Variants in MYADM observed in about 807,000 individuals in gnomAD.
MYADM encodes the protein myeloid-associated differentiation marker.
For missense variants in MYADM, 416 were observed against 443.4 expected, an observed-to-expected ratio of 0.94 and a Z score of 0.56; for synonymous variants, 224 against 210.2, an observed-to-expected ratio of 1.07 and a Z score of -0.57.
chr19:53,867,805 C>G (rs1599906525), upstream of MYADM: 2 of 152,964 alleles, frequency 1.3e-5, no homozygotes, highest in East Asian at 3.9e-4. Flanking sequence ...CCGCCCTAGC[C>G]GGAGCTGCGC....
chr19:53,874,379 G>C lies in MYADM; in HGVS notation c.850G>C (p.Ala284Pro). 6.2e-7 allele frequency: 1 copy of C among 1,614,208 alleles called. No individual in the cohort carries two copies. Among genetic ancestry groups the C allele is most frequent in the Non-Finnish European group, 8.5e-7 (1 of 1,180,016 alleles). Residue 284 changes from alanine (A) to proline (P), a missense_variant, in exon 3 of 3, where the codon GCC (alanine) becomes CCC (proline). Coordinates refer to ENST00000391770, the MANE Select transcript of MYADM (RefSeq NM_138373.5). ...AGATGTAAGCTGCAGCCGCAGCCATGCCTACTACGTGTGTGCCTGGGACCG... is the reference window on the plus strand; with the variant it reads ...AGATGTAAGCTGCAGCCGCAGCCATCCCTACTACGTGTGTGCCTGGGACCG... Reference protein sequence around the residue: ...SRDVSCSRSHAYYVCAWDRRL... With the variant: ...SRDVSCSRSHPYYVCAWDRRL...
upstream of MYADM, among the ~76,000 whole-genome samples, chr19:53,866,816 T>A (rs2068252654): frequency 6.6e-6 from 1 of 152,226 alleles, no homozygotes; most frequent in African/African-American, 2.4e-5. This position sits in a 1 kb window ranked among gnomAD's most constrained non-coding sequence, Gnocchi z 4.3. Flanking sequence ...TTAATGGTTC[T>A]ATTATGATGA....
At chr19:53,867,535 A>G (rs1250078431), upstream of MYADM, among the ~76,000 whole-genome samples, 2 of 151,990 alleles carry the variant, frequency 1.3e-5, no homozygotes, top group East Asian at 1.9e-4. Context: ...CGGGGTTTCT[A>G]TGGTAACGGT....
upstream of MYADM, chr19:53,866,544 GC>G (rs375409004): frequency 1.3e-5 from 2 of 152,304 alleles, no homozygotes; most frequent in Non-Finnish European, 2.9e-5. This position sits in a 1 kb window ranked among gnomAD's most constrained non-coding sequence, Gnocchi z 4.3. Context: ...CCGTTTTAGG[GC>G]CGCAGAGCCG....
chr19:53,866,829 A>C (rs568611677), upstream of MYADM, among the ~76,000 whole-genome samples: 1 of 152,188 alleles, frequency 6.6e-6, no homozygotes, highest in East Asian at 1.9e-4. The surrounding 1 kb of genome is among the most constrained non-coding windows in gnomAD (Gnocchi z 4.3). Flanking sequence ...TATGATGATC[A>C]TGATGATTTA....
At chr19:53,866,242 C>G (rs1021142535), upstream of MYADM, 1 of 152,640 alleles carries the variant, frequency 6.6e-6, no homozygotes, top group Non-Finnish European at 1.5e-5. The surrounding 1 kb of genome is among the most constrained non-coding windows in gnomAD (Gnocchi z 4.3). Context: ...GACTCGGCCT[C>G]CACCCCTGGG....
upstream of MYADM, chr19:53,867,849 T>C (rs1183839726): frequency 7.9e-6 from 1 of 126,132 alleles, no homozygotes; most frequent in East Asian, 2.5e-4. Flanking sequence ...CCGCCCGCGC[T>C]GGCTCCCCAG....
upstream of MYADM, chr19:53,866,198 G>C (rs1032328533): frequency 1.3e-5 from 2 of 152,660 alleles, no homozygotes; most frequent in Admixed American, 1.3e-4. The surrounding 1 kb of genome is among the most constrained non-coding windows in gnomAD (Gnocchi z 4.3). Flanking sequence ...CCTTCCGACT[G>C]CTCCCTTCGC....
chr19:53,874,358 G>T lies in MYADM; in HGVS notation c.829G>T (p.Val277Leu), dbSNP rs934835753. 2 of 1,614,098 alleles carry T rather than the reference G, an allele frequency of 1.2e-6. No individual in the cohort carries two copies. Among genetic ancestry groups the T allele is most frequent in the Non-Finnish European group, 1.7e-6 (2 of 1,179,936 alleles). ...YGGQPRRSRD[V>L]SCSRSHAYYV... ...CGGCCAGCCTCGGCGCTCGAGAGATGTAAGCTGCAGCCGCAGCCATGCCTA... is the reference window on the plus strand; with the variant it reads ...CGGCCAGCCTCGGCGCTCGAGAGATTTAAGCTGCAGCCGCAGCCATGCCTA... Residue 277 changes from valine (V) to leucine (L), a missense_variant, in exon 3 of 3, where the codon GTA becomes TTA. Coordinates refer to ENST00000391770, the MANE Select transcript of MYADM (RefSeq NM_138373.5).
Position 53,873,943 on chromosome 19 carries a change from C to A in MYADM, c.414C>A (p.Ile138=), listed in dbSNP as rs772753619. 7 of 1,611,166 alleles carry A rather than the reference C, an allele frequency of 4.3e-6. No individual in the cohort carries two copies. The highest frequency in any genetic ancestry group is 5.9e-6 in the Non-Finnish European group (7 of 1,180,018). The change falls in exon 3 of 3, where the codon ATC becomes ATA. Residue 138 remains isoleucine, a synonymous_variant. Transcript: ENST00000391770. The surrounding 1 kb of genome is among the most constrained non-coding windows in gnomAD (Gnocchi z 4.3). ...ACGGCCGTTCGCGGGACCACGCCATCGCCGCCACCTTCTTCTCCTGCATCG... is the reference window on the plus strand; with the variant it reads ...ACGGCCGTTCGCGGGACCACGCCATAGCCGCCACCTTCTTCTCCTGCATCG... ...LSHGRSRDHA[I]AATFFSCIAC... is the part of the protein sequence containing the mutation.
chr19:53,873,464 G>C lies in MYADM; in HGVS notation c.-2-64G>C, dbSNP rs1012405407. The C allele has an allele frequency of 4.0e-6, 6 of 1,513,658 alleles. No homozygotes were observed. Among genetic ancestry groups the C allele is most frequent in the Non-Finnish European group, 5.3e-6 (6 of 1,128,344 alleles). The allele number at this position is 1,513,658 out of a possible 1,614,324, so 93.8% of individuals were successfully genotyped here. A position where few individuals can be genotyped will look rare whatever the true frequency, so the allele number is the denominator to read the frequency against. On this transcript the variant is annotated intron_variant, in intron 2 of 2. Coordinates refer to ENST00000391770, the MANE Select transcript of MYADM (RefSeq NM_138373.5). The surrounding 1 kb of genome is among the most constrained non-coding windows in gnomAD (Gnocchi z 4.3). Reference sequence around the variant, plus strand: ...TAATTTGTCCCTGGGGTAGGCAATGGCTAAGGGACCTGGATTCTTATGTTT... The same window carrying C: ...TAATTTGTCCCTGGGGTAGGCAATGCCTAAGGGACCTGGATTCTTATGTTT...
At chr19:53,871,882 TTTTA>T (rs1459827097) in intron 2 of MYADM, among the ~76,000 whole-genome samples, 1 of 151,802 alleles carries the variant, frequency 6.6e-6, no homozygotes, top group Non-Finnish European at 1.5e-5. Context: ...TTTTTATTTA[TTTTA>T]TTTATTTTTA....
rs112349507 is a variant in MYADM at position 53,873,371 on chromosome 19, C to CAA, written c.-2-145_-2-144dup. ...TGGGCCACAGAGCAAGACTCTGTCTCAAAAAAAAAAAAAGAAAAGAAAACC... is the reference window on the plus strand; with the variant it reads ...TGGGCCACAGAGCAAGACTCTGTCTCAAAAAAAAAAAAAAAGAAAAGAAAACC... On this transcript the variant is annotated intron_variant, in intron 2 of 2. Coordinates refer to ENST00000391770, the MANE Select transcript of MYADM (RefSeq NM_138373.5). The surrounding 1 kb of genome is among the most constrained non-coding windows in gnomAD (Gnocchi z 4.3). 2.0e-3 allele frequency among the ~76,000 whole-genome samples: 272 copies of CAA among 135,710 alleles called. 2 individuals are homozygous for CAA. The highest frequency in any genetic ancestry group is 5.9e-3 in the African/African-American group (225 of 38,054). The allele number at this position is 135,710 out of a possible 152,430, so 89.0% of individuals were successfully genotyped here.
At position 53,874,351 on chromosome 19, in the gene MYADM, G is replaced by T. The variant is rs752905038; in HGVS notation, c.822G>T (p.Ser274=). The T allele has an allele frequency of 1.9e-6, 3 of 1,613,944 alleles. No homozygotes were observed. Among genetic ancestry groups the T allele is most frequent in the Non-Finnish European group, 2.5e-6 (3 of 1,179,842 alleles). The change falls in exon 3 of 3, where the codon TCG becomes TCT. Residue 274 remains serine, a synonymous_variant. Transcript: ENST00000391770. ...DEKYGGQPRR[S]RDVSCSRSHA... ...AGTATGGCGGCCAGCCTCGGCGCTC[G>T]AGAGATGTAAGCTGCAGCCGCAGCC...
rs1244701862 is a variant in MYADM at position 53,873,446 on chromosome 19, T to A, written c.-2-82T>A. The A allele has an allele frequency of 7.0e-7, 1 of 1,435,746 alleles. No homozygotes were observed. The highest frequency in any genetic ancestry group is 1.4e-5 in the African/African-American group (1 of 70,054). 88.9% of individuals were successfully genotyped at this position (1,435,746 alleles called of 1,614,324 possible). A position where few individuals can be genotyped will look rare whatever the true frequency, so the allele number is the denominator to read the frequency against. On this transcript the variant is annotated intron_variant, in intron 2 of 2. Coordinates refer to ENST00000391770, the MANE Select transcript of MYADM (RefSeq NM_138373.5). This position sits in a 1 kb window ranked among gnomAD's most constrained non-coding sequence, Gnocchi z 4.3. ...CCTAATTAGAGCTCATATTAATTTGTCCCTGGGGTAGGCAATGGCTAAGGG... is the reference window on the plus strand; with the variant it reads ...CCTAATTAGAGCTCATATTAATTTGACCCTGGGGTAGGCAATGGCTAAGGG...
intron 2 of MYADM, among the ~76,000 whole-genome samples, chr19:53,871,272 A>C (rs1190247665): frequency 6.6e-6 from 1 of 152,080 alleles, no homozygotes; most frequent in East Asian, 1.9e-4. Flanking sequence ...GCCTAGAGAG[A>C]GTTCAGTGGA....
rs1290572269 is a variant in MYADM, at chr19:53,873,615, C to T, written c.86C>T (p.Pro29Leu). The T allele has an allele frequency of 3.7e-6, 6 of 1,614,090 alleles. No individual in the cohort carries two copies. The highest frequency in any genetic ancestry group is 8.5e-7 in the Non-Finnish European group (1 of 1,180,052). The change falls in exon 3 of 3, where the codon CCT becomes CTT. Residue 29 changes from proline (P) to leucine (L), a missense_variant. Pro to Leu is a moderately conservative substitution (Grantham distance 98). Transcript: ENST00000391770. This position sits in a 1 kb window ranked among gnomAD's most constrained non-coding sequence, Gnocchi z 4.3. ...GLGSPMIVGS[P>L]RALTQPLGLL... Reference sequence around the variant, plus strand: ...GGGTCCCCCATGATCGTGGGGTCCCCTCGGGCCCTGACACAGCCCCTGGGT... The same window carrying T: ...GGGTCCCCCATGATCGTGGGGTCCCTTCGGGCCCTGACACAGCCCCTGGGT...
chr19:53,870,791 C>A (rs2068369049), intron 2 of MYADM, among the ~76,000 whole-genome samples: 1 of 152,096 alleles, frequency 6.6e-6, no homozygotes, highest in Admixed American at 6.6e-5. Flanking sequence ...AGAGGACGGG[C>A]ACTTGATTCC....
At chr19:53,869,203 C>T (rs1244339642) in intron 1 of MYADM, 1 of 152,418 alleles carries the variant, frequency 6.6e-6, no homozygotes, top group Non-Finnish European at 1.5e-5. Context: ...CCCTCAGAGG[C>T]CCGGGTCCCT....
Sources: allele counts gnomAD v4.1 joint callset (sites outside exome capture counted in the v4.1 genomes callset), GRCh38; gene constraint gnomAD v4.1.1; non-coding constraint Gnocchi (gnomAD v3.1); transcripts MANE v1.5; gene names NCBI Gene and HGNC (gene_info 2026-07-23, HGNC 2026-07-21).